TFDP1: variants seen among roughly 807,000 people sequenced by gnomAD.
The protein encoded by TFDP1 is transcription factor Dp-1.
Under a neutral mutation model 48.0 loss-of-function variants are expected in TFDP1, and 6 were observed. That is an observed-to-expected ratio of 0.13 (90% CI 0.07 to 0.25). TFDP1 has a LOEUF of 0.25. Ranked by LOEUF, TFDP1 falls within the 10% of genes least tolerant of loss-of-function variation. TFDP1 has a pLI of 1.00. For synonymous variants in TFDP1, 201 were observed against 211.6 expected, an observed-to-expected ratio of 0.95 and a Z score of 0.44; for missense variants, 335 against 543.0, an observed-to-expected ratio of 0.62 and a Z score of 3.81.
intron 2 of TFDP1, among the ~76,000 whole-genome samples, chr13:113,589,652 G>GGTACC (rs144358624): frequency 0.013 from 1,932 of 152,372 alleles, 38 homozygotes; most frequent in African/African-American, 0.044. Flanking sequence ...TCCCGTTGCA[G>GGTACC]GTACCGGTGG....
chr13:113,614,944 C>T (rs550207442), intron 3 of TFDP1, among the ~76,000 whole-genome samples: 20 of 152,288 alleles, frequency 1.3e-4, no homozygotes, highest in Middle Eastern at 3.4e-3. Context: ...CTTAACGGCT[C>T]CTCTTTGAGG....
intron 2 of TFDP1, among the ~76,000 whole-genome samples, chr13:113,610,207 T>C (rs554208221): frequency 5.9e-4 from 87 of 147,036 alleles, no homozygotes; most frequent in African/African-American, 2.1e-3. Context: ...TGTACCGTTA[T>C]GCGTGTGTGT....
At chr13:113,590,803 G>T (rs1440026558) in intron 2 of TFDP1, among the ~76,000 whole-genome samples, 4 of 151,988 alleles carry the variant, frequency 2.6e-5, no homozygotes, top group African/African-American at 9.7e-5. Flanking sequence ...AAGGTCAGGA[G>T]ATTGAGACCA....
In TFDP1 at chr13:113,631,757, C is replaced by G. The variant is rs763916756; in HGVS notation, c.308+13C>G. The G allele has an allele frequency of 1.9e-6, 3 of 1,613,492 alleles. No homozygotes were observed. Among genetic ancestry groups the G allele is most frequent in the Non-Finnish European group, 2.5e-6 (3 of 1,179,708 alleles). ...CTTGGTCTGCCGGGTGAGCACTTCCCTCTGGACCCTTAGAGTTGTAGGACT... is the reference window on the plus strand; with the variant it reads ...CTTGGTCTGCCGGGTGAGCACTTCCGTCTGGACCCTTAGAGTTGTAGGACT... On this transcript the variant is annotated intron_variant, in intron 5 of 11. Coordinates refer to ENST00000375370, the MANE Select transcript of TFDP1 (RefSeq NM_007111.5).
At chr13:113,626,663 A>G (rs2049187356) in intron 4 of TFDP1, among the ~76,000 whole-genome samples, 2 of 152,204 alleles carry the variant, frequency 1.3e-5, no homozygotes, top group South Asian at 4.1e-4. Flanking sequence ...GTGGCCATTG[A>G]AAGTAGCGGT....
intron 2 of TFDP1, among the ~76,000 whole-genome samples, chr13:113,591,078 C>T (rs868189329): frequency 4.5e-4 from 68 of 149,888 alleles, no homozygotes; most frequent in South Asian, 8.4e-4. Flanking sequence ...CTGCTGGGCA[C>T]GGTGGCTCAT....
chr13:113,599,515 C>T (rs962774417), intron 2 of TFDP1, among the ~76,000 whole-genome samples: 3 of 152,222 alleles, frequency 2.0e-5, no homozygotes, highest in African/African-American at 7.2e-5. Flanking sequence ...TGATGGGCTG[C>T]CCTGGCTGAA....
chr13:113,627,478 C>G lies in TFDP1; in HGVS notation c.187-4145C>G, dbSNP rs1258804882. Reference sequence around the variant, plus strand: ...CAGCTGCGCCACTGGCCCTGTCTCTCTGGACACCGCGGTTAACCTTGGTCC... The same window carrying G: ...CAGCTGCGCCACTGGCCCTGTCTCTGTGGACACCGCGGTTAACCTTGGTCC... On this transcript the variant is annotated intron_variant, in intron 4 of 11. Coordinates refer to ENST00000375370, the MANE Select transcript of TFDP1 (RefSeq NM_007111.5). The surrounding 1 kb of genome is among the most constrained non-coding windows in gnomAD (Gnocchi z 4.1). 6.6e-6 allele frequency among the ~76,000 whole-genome samples: 1 copy of G among 152,344 alleles called. No homozygotes were observed. Among genetic ancestry groups the G allele is most frequent in the Non-Finnish European group, 1.5e-5 (1 of 68,034 alleles).
chr13:113,637,758 C>CTG, intron 10 of TFDP1, 60 bp from the exon 11 acceptor site: 1 of 1,614,064 alleles, frequency 6.2e-7, no homozygotes, highest in Non-Finnish European at 8.5e-7. Flanking sequence ...TGTTGGTTGC[C>CTG]TGTGCGTCTT....
chr13:113,625,958 C>T (rs1307007944), intron 4 of TFDP1, among the ~76,000 whole-genome samples: 1 of 141,750 alleles, frequency 7.1e-6, no homozygotes, highest in Non-Finnish European at 1.5e-5. Context: ...TCTCACGTGT[C>T]CTCAGGCGTC....
At chr13:113,620,220 C>G (rs1025809825) in intron 3 of TFDP1, among the ~76,000 whole-genome samples, 4 of 152,228 alleles carry the variant, frequency 2.6e-5, no homozygotes, top group African/African-American at 4.8e-5. Context: ...ACTGCTGTCC[C>G]ACAGCCCCAC....
intron 2 of TFDP1, among the ~76,000 whole-genome samples, chr13:113,603,007 G>A (rs1265459443): frequency 6.7e-6 from 1 of 149,686 alleles, no homozygotes; most frequent in African/African-American, 2.5e-5. Flanking sequence ...ACAAATTTGT[G>A]TTGGGCTGCA....
chr13:113,625,285 G>T (rs375204810), intron 4 of TFDP1, among the ~76,000 whole-genome samples: 2 of 93,340 alleles, frequency 2.1e-5, no homozygotes, highest in African/African-American at 7.7e-5. Flanking sequence ...TGTCTCTCAC[G>T]TGTCCTCAGG....
At chr13:113,614,183 AGTT>A (rs1477527676) in intron 3 of TFDP1, among the ~76,000 whole-genome samples, 1 of 150,328 alleles carries the variant, frequency 6.7e-6, no homozygotes, top group Non-Finnish European at 1.5e-5. Context: ...GAGTTGAATG[AGTT>A]GTATGTGTGT....
chr13:113,616,774 G>C (rs142221287), intron 3 of TFDP1, among the ~76,000 whole-genome samples: 1 of 152,306 alleles, frequency 6.6e-6, no homozygotes, highest in Non-Finnish European at 1.5e-5. Context: ...CACACGCACT[G>C]GTCTTTGTAG....
intron 3 of TFDP1, among the ~76,000 whole-genome samples, chr13:113,613,090 C>T (rs1273690753): frequency 1.3e-5 from 2 of 152,214 alleles, no homozygotes; most frequent in East Asian, 1.9e-4. Flanking sequence ...CGTCTCGGCT[C>T]ACTGCAACCT....
chr13:113,611,988 G>C (rs4150737), intron 3 of TFDP1, among the ~76,000 whole-genome samples: 2,613 of 152,260 alleles, frequency 0.017, 68 homozygotes, highest in Non-Finnish European at 0.022. Context: ...GTTCCTAAAA[G>C]GAACCTTAAG....
intron 3 of TFDP1, among the ~76,000 whole-genome samples, chr13:113,613,390 A>G (rs1286413603): frequency 2.0e-5 from 3 of 152,252 alleles, no homozygotes; most frequent in South Asian, 2.1e-4. Context: ...GAAAAGGTGC[A>G]GAGAGGTTTC....
At chr13:113,621,712 T>A (rs1346545995) in intron 3 of TFDP1, among the ~76,000 whole-genome samples, 2 of 152,192 alleles carry the variant, frequency 1.3e-5, no homozygotes, top group East Asian at 3.9e-4. Flanking sequence ...TGGGAAGATG[T>A]CCGTTGCCAG....
Sources: allele counts gnomAD v4.1 joint callset (sites outside exome capture counted in the v4.1 genomes callset), GRCh38; gene constraint gnomAD v4.1.1; non-coding constraint Gnocchi (gnomAD v3.1); transcripts MANE v1.5; gene names NCBI Gene and HGNC (gene_info 2026-07-23, HGNC 2026-07-21).